Variants in FREM1 observed in about 807,000 individuals in gnomAD.
FREM1 encodes the protein FRAS1 related extracellular matrix 1.
In FREM1, 220 loss-of-function variants were observed where a neutral mutation model predicts 210.1. The observed-to-expected ratio is 1.05, with a 90% confidence interval of 0.94 to 1.17. The LOEUF is 1.17. FREM1 is among the 50% of genes most tolerant of loss of function. The pLI is 0.00. For missense variants in FREM1, 3,454 were observed against 2,675.5 expected (o/e 1.29, Z -6.42); for synonymous variants, 1,189 against 980.2 (o/e 1.21, Z -3.98).
intron 20 of FREM1, 120 bp downstream of exon 20, chr9:14,801,532 T>G: frequency 1.4e-6 from 1 of 713,972 alleles, no homozygotes; most frequent in Admixed American, 2.7e-5. Context: ...CCTCAGCCTC[T>G]AGTAACCATC....
At chr9:14,820,113 AT>A (rs1203505362) in intron 13 of FREM1, among the ~76,000 whole-genome samples, 3 of 152,230 alleles carry the variant, frequency 2.0e-5, no homozygotes, top group Non-Finnish European at 4.4e-5. Context: ...GGCTTGGGAT[AT>A]TTTATCACCT....
At chr9:14,860,543 A>ATGTGTG (rs1564098447) in intron 3 of FREM1, among the ~76,000 whole-genome samples, 1 of 122,190 alleles carries the variant, frequency 8.2e-6, no homozygotes, top group African/African-American at 3.6e-5. Context: ...GTATATATAT[A>ATGTGTG]CACATATATA....
chr9:14,765,058 T>C (rs915262875), intron 27 of FREM1, among the ~76,000 whole-genome samples: 2 of 152,248 alleles, frequency 1.3e-5, no homozygotes, highest in East Asian at 1.9e-4. Context: ...GCAAAAGGTT[T>C]ACAGAAGCTA....
In FREM1 at chr9:14,784,485, C is replaced by T. The variant is rs1161171266; in HGVS notation, c.4327G>A (p.Glu1443Lys). ...GGAACTCCAGGATAGTGAACATATT[C>T]GATCTGGCCATATCGCGGAGGGGAG... is the stretch of plus-strand genomic sequence containing the variant. Reference protein sequence around the residue: ...ITSPPRYGQIEYVHYPGVPIT... With the variant: ...ITSPPRYGQIKYVHYPGVPIT... The change falls in exon 24 of 37, where the codon GAA (glutamate) becomes AAA (lysine). Residue 1443 changes from glutamate (E) to lysine (K), a missense_variant. By Grantham distance (56) the Glu-to-Lys change is moderately conservative. Transcript: ENST00000380880. 1 of 1,613,854 alleles carries T rather than the reference C, an allele frequency of 6.2e-7. No individual in the cohort carries two copies. The highest frequency in any genetic ancestry group is 8.5e-7 in the Non-Finnish European group (1 of 1,179,844).
intron 22 of FREM1, chr9:14,790,589 C>A (rs1460373168): frequency 3.9e-5 from 6 of 152,138 alleles, no homozygotes; most frequent in East Asian, 1.9e-4. Context: ...CTTACTTGCA[C>A]TCCAAAATGT....
intron 1 of FREM1, among the ~76,000 whole-genome samples, chr9:14,885,390 A>G (rs1835629720): frequency 6.6e-6 from 1 of 152,128 alleles, no homozygotes; most frequent in Admixed American, 6.5e-5. Flanking sequence ...ATTGAAAAAT[A>G]AAATTGTGTA....
At position 14,747,003 on chromosome 9, in the gene FREM1, G is replaced by A. The variant is rs1377803349; in HGVS notation, c.6058C>T (p.Leu2020Phe). Residue 2020 changes from leucine (L) to phenylalanine (F), a missense_variant, in exon 34 of 37, where the codon CTC (leucine) becomes TTC (phenylalanine). Transcript: ENST00000380880. ...PKNCTLELKG[L>F]FHFEEGIQKL... The stretch of plus-strand genomic sequence containing the variant: ...TGGATGCCTTCTTCAAAATGGAAGA[G>A]TCCCTTTAATTCCAGAGTGCAGTTC... The A allele has an allele frequency of 1.9e-6, 3 of 1,613,014 alleles. No homozygotes were observed. Among genetic ancestry groups the A allele is most frequent in the Non-Finnish European group, 1.7e-6 (2 of 1,179,548 alleles).
intron 9 of FREM1, among the ~76,000 whole-genome samples, chr9:14,841,956 T>C (rs975938774): frequency 6.6e-6 from 1 of 152,206 alleles, no homozygotes; most frequent in African/African-American, 2.4e-5. Flanking sequence ...TCTAACAAAA[T>C]GTAAACAAAT....
At chr9:14,818,048 G>A (rs1219169161) in intron 14 of FREM1, among the ~76,000 whole-genome samples, 1 of 152,102 alleles carries the variant, frequency 6.6e-6, no homozygotes, top group East Asian at 1.9e-4. Context: ...GAATGAACTT[G>A]GGCAAATTCC....
chr9:14,835,954 T>G (rs1175977011), intron 10 of FREM1, among the ~76,000 whole-genome samples: 1 of 152,212 alleles, frequency 6.6e-6, no homozygotes, highest in Non-Finnish European at 1.5e-5. Flanking sequence ...AATCAACTGG[T>G]GATCTGCAGC....
At chr9:14,799,686 A>T (rs893027907) in intron 20 of FREM1, among the ~76,000 whole-genome samples, 3 of 152,056 alleles carry the variant, frequency 2.0e-5, no homozygotes, top group African/African-American at 7.2e-5. Flanking sequence ...AATGTATTCT[A>T]TTATTTGTAG....
intron 16 of FREM1, among the ~76,000 whole-genome samples, chr9:14,810,125 T>C (rs974300130): frequency 1.3e-5 from 2 of 151,744 alleles, no homozygotes; most frequent in Admixed American, 6.6e-5. Flanking sequence ...CATTAAAGGA[T>C]GAGTAAGAGT....
intron 1 of FREM1, among the ~76,000 whole-genome samples, chr9:14,876,509 G>A (rs998451016): frequency 4.6e-5 from 7 of 152,154 alleles, no homozygotes; most frequent in Non-Finnish European, 5.9e-5. Flanking sequence ...CTCCTGGTGC[G>A]CCATGTTTTA....
chr9:14,808,342 G>T (rs1417059354), intron 16 of FREM1, among the ~76,000 whole-genome samples: 1 of 152,114 alleles, frequency 6.6e-6, no homozygotes, highest in Admixed American at 6.5e-5. Context: ...GTTGCCTCTG[G>T]TGAACTCCCT....
chr9:14,743,287 C>G (rs1221299811), intron 35 of FREM1, among the ~76,000 whole-genome samples: 1 of 151,996 alleles, frequency 6.6e-6, no homozygotes, highest in Non-Finnish European at 1.5e-5. Flanking sequence ...ACGTGAAGAA[C>G]TCATTGCTAC....
intron 10 of FREM1, among the ~76,000 whole-genome samples, chr9:14,826,081 A>T (rs1024042620): frequency 6.7e-6 from 1 of 149,204 alleles, no homozygotes; most frequent in Non-Finnish European, 1.5e-5. Flanking sequence ...GACTTTCAAT[A>T]TACACTCTTT....
chr9:14,899,205 C>T lies in FREM1; in HGVS notation c.-268+10709G>A, dbSNP rs527284988. Among the ~76,000 whole-genome samples the T allele has an allele frequency of 1.2e-4, 19 of 152,302 alleles. No homozygotes were observed. In the South Asian group the frequency reaches 2.5e-3, roughly 20 times the overall value. On this transcript the variant is annotated intron_variant, in intron 1 of 36. Transcript: ENST00000380880. ...TCCTGACCCACAGCTACTCAAGGGC[C>T]ACCCTGGTGGCTCACAGGCCATGTC...
chr9:14,825,547 G>GTGTGTGTATGTATATATA, intron 10 of FREM1, among the ~76,000 whole-genome samples: 1 of 75,932 alleles, frequency 1.3e-5, no homozygotes, highest in Non-Finnish European at 2.5e-5. Context: ...GTGTGTGTGT[G>GTGTGTGTATGTATATATA]TATATATATA....
chr9:14,890,072 C>A (rs1240455988), intron 1 of FREM1, among the ~76,000 whole-genome samples: 2 of 152,186 alleles, frequency 1.3e-5, no homozygotes, highest in Admixed American at 6.5e-5. Flanking sequence ...ATCAGGAGGG[C>A]ACTTCTCTCA....
Sources: gnomAD v4.1 joint callset for allele counts (sites outside exome capture counted in the v4.1 genomes callset) on GRCh38, gnomAD v4.1.1 for gene constraint, MANE v1.5 for transcripts, NCBI Gene and HGNC (gene_info 2026-07-23, HGNC 2026-07-21) for gene names.